SBF2: variants seen among roughly 807,000 people sequenced by gnomAD.
SBF2 encodes the protein SET binding factor 2, also known as myotubularin-related protein 13.
In SBF2, 112 loss-of-function variants were observed where a neutral mutation model predicts 225.2. The ratio of observed to expected loss-of-function variants is 0.50; its 90% CI spans 0.43 to 0.58. The LOEUF (loss-of-function observed/expected upper bound fraction) is 0.58, where lower values mean the gene tolerates loss of function less well. Among genes scored for constraint, SBF2 ranks in the 20% least tolerant of loss-of-function variants. SBF2 has a pLI of 0.00. For missense variants in SBF2, 1,996 were observed against 2,206.2 expected (o/e 0.90, Z 1.91); for synonymous variants, 763 against 773.3 (o/e 0.99, Z 0.22).
rs1867171912 is a variant in SBF2, at chr11:9,969,301, C to T, written c.1396-756G>A. On this transcript the variant is annotated intron_variant, in intron 13 of 39. Transcript: ENST00000256190. ...AACACCTCACGTTACAGCAATACAA[C>T]AGTCTCCTAGTCTCCCTGCTTCCAC... 2.6e-5 allele frequency among the ~76,000 whole-genome samples: 4 copies of T among 152,202 alleles called. No homozygotes were observed. The South Asian group carries it at 8.3e-4, about 31-fold the overall frequency.
intron 13 of SBF2, among the ~76,000 whole-genome samples, chr11:9,982,791 C>T (rs1488110192): frequency 1.3e-5 from 2 of 152,192 alleles, no homozygotes; most frequent in African/African-American, 4.8e-5. Context: ...AAGGGAGACC[C>T]TCCTCTCCCG....
chr11:9,976,097 G>T (rs1050103585), intron 13 of SBF2, among the ~76,000 whole-genome samples: 1 of 129,916 alleles, frequency 7.7e-6, no homozygotes, highest in South Asian at 2.4e-4. Flanking sequence ...TTTTTGAGAC[G>T]AAGTCTTGTC....
rs142702077 is a variant in SBF2, at chr11:10,097,310, T to G, written c.142-54329A>C. On this transcript the variant is annotated intron_variant, in intron 2 of 39. Coordinates refer to ENST00000256190, the MANE Select transcript of SBF2 (RefSeq NM_030962.4). ...GCGTGGATTTCCCGGCCTTGAGAAC[T>G]GTGAAGAAATAAATATCTATTCTTT... Among the ~76,000 whole-genome samples, 363 of 152,314 alleles carry G rather than the reference T, an allele frequency of 2.4e-3. 2 individuals are homozygous for G. The highest frequency in any genetic ancestry group is 3.9e-3 in the Non-Finnish European group (265 of 68,022).
At chr11:10,148,430 G>GC (rs1248364151) in intron 2 of SBF2, among the ~76,000 whole-genome samples, 1 of 152,020 alleles carries the variant, frequency 6.6e-6, no homozygotes, top group Non-Finnish European at 1.5e-5. Context: ...CTATCTGTAT[G>GC]CCCCAAAAGA....
At chr11:10,153,076 C>A (rs952688922) in intron 2 of SBF2, among the ~76,000 whole-genome samples, 44 of 152,144 alleles carry the variant, frequency 2.9e-4, no homozygotes, top group African/African-American at 1.1e-3. Flanking sequence ...GGATTCATTT[C>A]ATTCTGTAGA....
Position 9,812,558 on chromosome 11 carries a change from G to A in SBF2, c.4129C>T (p.Leu1377=), listed in dbSNP as rs1854247338. ...TGTGGGAACCACTCAGAATCTCCCA[G>A]CGCTTTCAGGAAGGTCACTTCTGAG... is the stretch of plus-strand genomic sequence containing the variant. The part of the protein sequence containing the change: ...TDSEVTFLKA[L]GDSEWFPQLH... The change falls in exon 30 of 40, where the codon CTG becomes TTG. Residue 1377 remains leucine (L), a synonymous_variant. Coordinates refer to ENST00000256190, the MANE Select transcript of SBF2 (RefSeq NM_030962.4). The A allele has an allele frequency of 6.2e-7, 1 of 1,614,220 alleles. No homozygotes were observed. The highest frequency in any genetic ancestry group is 8.5e-7 in the Non-Finnish European group (1 of 1,180,036).
intron 2 of SBF2, among the ~76,000 whole-genome samples, chr11:10,170,214 GC>G: frequency 6.6e-6 from 1 of 152,196 alleles, no homozygotes; most frequent in African/African-American, 2.4e-5. Flanking sequence ...CCAGTTCAGT[GC>G]CCTAGAGTTT....
chr11:9,972,254 C>T (rs1049641486), intron 13 of SBF2, among the ~76,000 whole-genome samples: 2 of 152,124 alleles, frequency 1.3e-5, no homozygotes, highest in African/African-American at 4.8e-5. Flanking sequence ...GCTGTTAGAA[C>T]ACACAAACAC....
At chr11:10,146,185 A>G (rs1265300827) in intron 2 of SBF2, among the ~76,000 whole-genome samples, 1 of 152,184 alleles carries the variant, frequency 6.6e-6, no homozygotes, top group Non-Finnish European at 1.5e-5. Context: ...TTCCTATCAG[A>G]CTATCAATGA....
chr11:10,109,652 T>C (rs1015097492), intron 2 of SBF2, among the ~76,000 whole-genome samples: 2 of 152,220 alleles, frequency 1.3e-5, no homozygotes, highest in Non-Finnish European at 2.9e-5. Flanking sequence ...TGTTGTTGCT[T>C]CTACATGGAC....
Position 9,882,584 on chromosome 11 carries a change from G to A in SBF2, c.1929+13359C>T, listed in dbSNP as rs562314390. ...AGCACTTTGGGAGGCCAAGGCGGGCGGATCACAAAGTCAGGAGATCGAGAC... is the reference window on the plus strand; with the variant it reads ...AGCACTTTGGGAGGCCAAGGCGGGCAGATCACAAAGTCAGGAGATCGAGAC... On this transcript the variant is annotated intron_variant, in intron 17 of 39. Coordinates refer to ENST00000256190, the MANE Select transcript of SBF2 (RefSeq NM_030962.4). Among the ~76,000 whole-genome samples, 326 of 152,060 alleles carry A rather than the reference G, an allele frequency of 2.1e-3. 1 individual carries two copies. Among genetic ancestry groups the A allele is most frequent in the Non-Finnish European group, 4.0e-3 (269 of 67,962 alleles).
At chr11:9,784,892 G>A in intron 37 of SBF2, 1 of 568,372 alleles carries the variant, frequency 1.8e-6, no homozygotes, top group Non-Finnish European at 3.1e-6. Context: ...GGAGATAAGA[G>A]CCATCAGGAC....
chr11:10,175,323 C>T (rs950838045), intron 2 of SBF2, among the ~76,000 whole-genome samples: 1 of 151,254 alleles, frequency 6.6e-6, no homozygotes, highest in Non-Finnish European at 1.5e-5. Flanking sequence ...GAAGATCTAC[C>T]AAGCAAATGG....
intron 6 of SBF2, among the ~76,000 whole-genome samples, chr11:10,013,264 T>C (rs1411984182): frequency 6.6e-6 from 1 of 152,236 alleles, no homozygotes; most frequent in African/African-American, 2.4e-5. Flanking sequence ...CTTTTACCGA[T>C]AATGATGCCA....
intron 3 of SBF2, among the ~76,000 whole-genome samples, chr11:10,033,068 T>C (rs1054345810): frequency 6.6e-6 from 1 of 152,226 alleles, no homozygotes; most frequent in Non-Finnish European, 1.5e-5. Context: ...AAGATTTTCA[T>C]TTATTACAAA....
chr11:10,189,088 C>T (rs1183064576), intron 2 of SBF2, among the ~76,000 whole-genome samples: 3 of 152,174 alleles, frequency 2.0e-5, no homozygotes, highest in Non-Finnish European at 4.4e-5. Context: ...ACAGTATCTA[C>T]CATACATACC....
At chr11:9,934,778 A>G (rs948100524) in intron 16 of SBF2, among the ~76,000 whole-genome samples, 3 of 152,208 alleles carry the variant, frequency 2.0e-5, no homozygotes, top group African/African-American at 7.2e-5. Flanking sequence ...AAAACTCTCG[A>G]TAAACAAGGT....
chr11:9,907,518 T>A (rs1862210730), intron 16 of SBF2, among the ~76,000 whole-genome samples: 1 of 152,240 alleles, frequency 6.6e-6, no homozygotes, highest in Non-Finnish European at 1.5e-5. Context: ...AGGATTTTTT[T>A]ATTACAGTTT....
At chr11:9,991,861 G>T (rs995737159) in intron 12 of SBF2, among the ~76,000 whole-genome samples, 1 of 151,994 alleles carries the variant, frequency 6.6e-6, no homozygotes, top group Non-Finnish European at 1.5e-5. Context: ...TTAAACTATG[G>T]CTCTATGATT....
Sources: gnomAD v4.1 joint callset for allele counts (sites outside exome capture counted in the v4.1 genomes callset) on GRCh38, gnomAD v4.1.1 for gene constraint, MANE v1.5 for transcripts, NCBI Gene and HGNC (gene_info 2026-07-23, HGNC 2026-07-21) for gene names.